The following GGTA1 variants were observed in gnomAD, a reference collection of about 807,000 sequenced individuals.
The protein encoded by GGTA1 is inactive N-acetyllactosaminide alpha-1,3-galactosyltransferase.
Under a neutral mutation model 2.6 loss-of-function variants are expected in GGTA1, and 5 were observed. The ratio of observed to expected loss-of-function variants is 1.92; its 90% CI spans 1.00 to 4.04. The LOEUF (loss-of-function observed/expected upper bound fraction) is 4.04. Ranked by LOEUF, GGTA1 falls within the 30% of genes most tolerant of loss-of-function variation. GGTA1 has a pLI of 0.00. For synonymous variants in GGTA1, 17 were observed against 5.0 expected (o/e 3.38, Z -3.19); for missense variants, 50 against 16.7 (o/e 2.99, Z -3.47).
At chr9:121,485,121 TC>T (rs923179078) in intron 1 of GGTA1, among the ~76,000 whole-genome samples, 1 of 152,184 alleles carries the variant, frequency 6.6e-6, no homozygotes, top group Non-Finnish European at 1.5e-5. Flanking sequence ...TCATTGCAAA[TC>T]CATTTTCCCA....
chr9:121,470,907 G>A (rs757617441), intron 1 of GGTA1, among the ~76,000 whole-genome samples: 5 of 152,208 alleles, frequency 3.3e-5, no homozygotes, highest in Admixed American at 6.5e-5. Flanking sequence ...CCCGCATAGC[G>A]GGCTCTGTGT....
At chr9:121,466,465 G>A (rs1258175734) in intron 2 of GGTA1, among the ~76,000 whole-genome samples, 2 of 152,086 alleles carry the variant, frequency 1.3e-5, no homozygotes, top group Non-Finnish European at 2.9e-5. Context: ...ACTCTAGTTT[G>A]TCATGTTTTT....
intron 1 of GGTA1, among the ~76,000 whole-genome samples, chr9:121,481,296 C>T (rs1039324638): frequency 6.6e-6 from 1 of 152,118 alleles, no homozygotes; most frequent in Non-Finnish European, 1.5e-5. Context: ...GCTACAGCTA[C>T]TCACGTCAAG....
chr9:121,492,378 G>A lies in GGTA1; in HGVS notation c.-10+7272C>T, dbSNP rs148238318. ...TACCCATAGCTAGCAGCACCAGCAC[G>A]GGGTAGGACGTGACCACCTCACATT... On this transcript the variant is annotated intron_variant, in intron 1 of 5. Transcript: ENST00000481799. Among the ~76,000 whole-genome samples, 1,040 of 152,340 alleles carry A rather than the reference G, an allele frequency of 6.8e-3. 9 individuals carry two copies. Among genetic ancestry groups the A allele is most frequent in the South Asian group, 0.019 (91 of 4,830 alleles).
At chr9:121,471,674 G>T (rs1405002882) in intron 1 of GGTA1, among the ~76,000 whole-genome samples, 1 of 152,170 alleles carries the variant, frequency 6.6e-6, no homozygotes, top group Non-Finnish European at 1.5e-5. Context: ...ACTGTGATGG[G>T]CAGTATTCCA....
At chr9:121,492,284 G>T (rs144686581) in intron 1 of GGTA1, among the ~76,000 whole-genome samples, 1 of 151,994 alleles carries the variant, frequency 6.6e-6, no homozygotes, top group East Asian at 1.9e-4. Context: ...CATCGCAGGC[G>T]TTGCTCAGAG....
chr9:121,466,051 G>A (rs887942989), intron 2 of GGTA1, among the ~76,000 whole-genome samples: 1 of 152,062 alleles, frequency 6.6e-6, no homozygotes, highest in African/African-American at 2.4e-5. Flanking sequence ...AAGTAGCTGA[G>A]ACTACAGGTG....
At chr9:121,455,887 A>G (rs1372347566) in intron 5 of GGTA1, 46 bp from the exon 6 acceptor site, 1 of 453,248 alleles carries the variant, frequency 2.2e-6, no homozygotes, top group South Asian at 1.6e-5. Flanking sequence ...TGAATTAAAA[A>G]TTAAAATATT....
downstream of GGTA1, among the ~76,000 whole-genome samples, chr9:121,454,382 A>G (rs1208129060): frequency 1.3e-5 from 2 of 152,214 alleles, no homozygotes; most frequent in Non-Finnish European, 2.9e-5. Flanking sequence ...CCAAGGCCAA[A>G]CACCTGGTCA....
intron 1 of GGTA1, among the ~76,000 whole-genome samples, chr9:121,489,301 C>A (rs1171180206): frequency 6.6e-6 from 1 of 152,154 alleles, no homozygotes; most frequent in Non-Finnish European, 1.5e-5. Flanking sequence ...TGAGCTCAAG[C>A]GATCCTCCCA....
At position 121,459,389 on chromosome 9, in the gene GGTA1, T is replaced by C. The variant is rs886816120; in HGVS notation, c.298+715A>G. 3.9e-5 allele frequency among the ~76,000 whole-genome samples: 6 copies of C among 152,160 alleles called. 1 individual carries two copies. The highest frequency in any genetic ancestry group is 8.8e-5 in the Non-Finnish European group (6 of 68,028). ...AGGTCAAGGCTGCAGTGAGCCACGA[T>C]TGCACCACTGCGCTCCAGCCTGGGT... On this transcript the variant is annotated intron_variant, in intron 5 of 5. Transcript: ENST00000481799.
chr9:121,498,137 T>C (rs1358431635), intron 1 of GGTA1, among the ~76,000 whole-genome samples: 1 of 152,166 alleles, frequency 6.6e-6, no homozygotes, highest in Non-Finnish European at 1.5e-5. Context: ...ACTGGTTCTG[T>C]CTGAAATAAG....
chr9:121,455,155 T>A lies in GGTA1; in HGVS notation c.*682A>T, dbSNP rs970106523. The A allele has an allele frequency of 4.6e-5, 7 of 152,356 alleles. No homozygotes were observed. Among genetic ancestry groups the A allele is most frequent in the African/African-American group, 1.7e-4 (7 of 41,582 alleles). The allele number at this position is 152,356 out of a possible 1,614,324, so 9.4% of individuals were successfully genotyped here. A position where few individuals can be genotyped will look rare whatever the true frequency, so the allele number is the denominator to read the frequency against. On this transcript the variant is annotated 3_prime_UTR_variant, in exon 6 of 6. Coordinates refer to ENST00000481799, the MANE Select transcript of GGTA1 (RefSeq NM_001382585.1). ...AGCTTACATGGTGCTTTTAGTTCTA[T>A]AAAACTCCCATCTTTGTTGAATGAC... is the stretch of plus-strand genomic sequence containing the variant.
intron 1 of GGTA1, among the ~76,000 whole-genome samples, chr9:121,468,386 A>G (rs1406730310): frequency 3.3e-5 from 5 of 152,218 alleles, no homozygotes; most frequent in African/African-American, 1.2e-4. Context: ...TCTATGGTGT[A>G]TATGTGCCAC....
At chr9:121,487,665 G>A (rs1452465189) in intron 1 of GGTA1, among the ~76,000 whole-genome samples, 2 of 151,662 alleles carry the variant, frequency 1.3e-5, no homozygotes, top group Non-Finnish European at 2.9e-5. Flanking sequence ...ATGCTCCACT[G>A]AGGATCTCTG....
intron 1 of GGTA1, among the ~76,000 whole-genome samples, chr9:121,475,155 C>T (rs1465352762): frequency 1.3e-5 from 2 of 152,080 alleles, no homozygotes; most frequent in African/African-American, 2.4e-5. Flanking sequence ...AAACAGTTTG[C>T]GGTAAAGAAG....
chr9:121,480,624 C>G (rs1240732055), intron 1 of GGTA1, among the ~76,000 whole-genome samples: 4 of 152,126 alleles, frequency 2.6e-5, no homozygotes, highest in Non-Finnish European at 5.9e-5. Flanking sequence ...AGTGCCTAAT[C>G]CAGCCTCTTC....
chr9:121,447,700 CTGG>C (rs1458661753), intron 7 of GGTA1: 1 of 152,106 alleles, frequency 6.6e-6, no homozygotes, highest in Admixed American at 6.5e-5. Context: ...AAACCACATG[CTGG>C]GATTCCTGAA....
chr9:121,482,814 G>A (rs1372881928), intron 1 of GGTA1, among the ~76,000 whole-genome samples: 1 of 151,794 alleles, frequency 6.6e-6, no homozygotes, highest in Non-Finnish European at 1.5e-5. Context: ...GGGTGTGGTG[G>A]CACGTGTTGT....
Sources: gnomAD v4.1 joint callset for allele counts (sites outside exome capture counted in the v4.1 genomes callset) on GRCh38, gnomAD v4.1.1 for gene constraint, MANE v1.5 for transcripts, NCBI Gene and HGNC (gene_info 2026-07-23, HGNC 2026-07-21) for gene names.